The following DNAJC6 variants were observed in gnomAD, a reference collection of about 807,000 sequenced individuals.
DNAJC6 encodes the protein auxilin.
DNAJC6 carries 34 observed loss-of-function variants against 110.0 expected under a neutral mutation model. The observed-to-expected ratio is 0.31, with a 90% CI of 0.24 to 0.41. The LOEUF is 0.41. DNAJC6 is among the 10% of genes least tolerant of loss of function. The pLI is 1.00. For synonymous variants in DNAJC6, 406 were observed against 437.2 expected, an observed-to-expected ratio of 0.93 and a Z score of 0.89; for missense variants, 1,031 against 1,207.8, an observed-to-expected ratio of 0.85 and a Z score of 2.17.
chr1:65,303,461 T>C (rs1232406420), intron 1 of DNAJC6, among the ~76,000 whole-genome samples: 1 of 152,240 alleles, frequency 6.6e-6, no homozygotes, highest in Non-Finnish European at 1.5e-5. Context: ...ATTTTTCTTA[T>C]GTTGTGACTT....
chr1:65,265,913 T>C (rs904109512), intron 1 of DNAJC6, among the ~76,000 whole-genome samples: 5 of 152,146 alleles, frequency 3.3e-5, no homozygotes, highest in African/African-American at 1.2e-4. Context: ...ATTTTAGGGT[T>C]CGCCGGCCCC....
rs961299798 is a variant in DNAJC6 at position 65,413,814 on chromosome 1, C to A, written c.*789C>A. The A allele has an allele frequency of 4.6e-5, 7 of 152,222 alleles. No homozygotes were observed. The highest frequency in any genetic ancestry group is 4.1e-4 in the South Asian group (2 of 4,834). The allele number at this position is 152,222 out of a possible 1,614,324, so 9.4% of individuals were successfully genotyped here. Reference sequence around the variant, plus strand: ...AAAAAGTCTTACTACTATAACAACTCTAAACCTGGTTTAAATGAAACATCT... The same window carrying A: ...AAAAAGTCTTACTACTATAACAACTATAAACCTGGTTTAAATGAAACATCT... On this transcript the variant is annotated 3_prime_UTR_variant, in exon 19 of 19. Coordinates refer to ENST00000371069, the MANE Select transcript of DNAJC6 (RefSeq NM_001256864.2).
At chr1:65,280,212 G>A (rs1653802079) in intron 1 of DNAJC6, among the ~76,000 whole-genome samples, 1 of 152,172 alleles carries the variant, frequency 6.6e-6, no homozygotes, top group Non-Finnish European at 1.5e-5. Flanking sequence ...GAGAAAGCCT[G>A]TGAAAACATT....
intron 12 of DNAJC6, among the ~76,000 whole-genome samples, 155 bp from the exon 13 acceptor site, chr1:65,394,743 T>C (rs1320071992): frequency 6.6e-6 from 1 of 152,224 alleles, no homozygotes; most frequent in African/African-American, 2.4e-5. Flanking sequence ...GTATCGACTG[T>C]AGTTCATCCA....
chr1:65,355,571 C>A (rs553339917), intron 1 of DNAJC6, among the ~76,000 whole-genome samples: 25 of 152,268 alleles, frequency 1.6e-4, no homozygotes, highest in Non-Finnish European at 3.2e-4. Flanking sequence ...CCACGTGCCA[C>A]CTAGTACATA....
chr1:65,362,618 T>C (rs1245851679), intron 1 of DNAJC6, among the ~76,000 whole-genome samples: 5 of 152,210 alleles, frequency 3.3e-5, no homozygotes, highest in Admixed American at 3.3e-4. Flanking sequence ...GTAGGCACAA[T>C]TTTTATCCCT....
intron 8 of DNAJC6, among the ~76,000 whole-genome samples, chr1:65,388,063 G>A (rs771560134): frequency 6.6e-6 from 1 of 152,196 alleles, no homozygotes; most frequent in African/African-American, 2.4e-5. Flanking sequence ...GGCATCCTGG[G>A]TAGAAGGAAT....
intron 1 of DNAJC6, among the ~76,000 whole-genome samples, chr1:65,297,979 T>A (rs1483101664): frequency 6.6e-6 from 1 of 152,052 alleles, no homozygotes; most frequent in Non-Finnish European, 1.5e-5. Context: ...TGATTCCATC[T>A]GTGACCCAAT....
intron 1 of DNAJC6, among the ~76,000 whole-genome samples, chr1:65,281,469 G>A (rs1187570342): frequency 1.3e-5 from 2 of 152,192 alleles, no homozygotes; most frequent in South Asian, 2.1e-4. Flanking sequence ...ATTTGTCCCT[G>A]CGGATTTGCC....
At chr1:65,370,835 T>G (rs985730277) in intron 4 of DNAJC6, among the ~76,000 whole-genome samples, 8 of 152,216 alleles carry the variant, frequency 5.3e-5, no homozygotes, top group Non-Finnish European at 1.0e-4. Flanking sequence ...GTCAATGTTT[T>G]TACCCCTTTT....
At position 65,398,888 on chromosome 1, in the gene DNAJC6, G is replaced by A; in HGVS notation, c.2107+7G>A. The A allele has an allele frequency of 1.2e-6, 2 of 1,613,852 alleles. No individual in the cohort carries two copies. Among genetic ancestry groups the A allele is most frequent in the South Asian group, 2.2e-5 (2 of 91,068 alleles). ...GACTGGCATGCTAAACCAGGTAAAA[G>A]CAGGTTATTTTCTGTACACATTTAT... is the stretch of plus-strand genomic sequence containing the variant. On this transcript the variant is annotated splice_region_variant and intron_variant, in intron 14 of 18. Coordinates refer to ENST00000371069, the MANE Select transcript of DNAJC6 (RefSeq NM_001256864.2).
chr1:65,302,382 A>G (rs1281788092), intron 1 of DNAJC6, among the ~76,000 whole-genome samples: 1 of 148,446 alleles, frequency 6.7e-6, no homozygotes, highest in Non-Finnish European at 1.5e-5. Context: ...CCATTCTGAC[A>G]GTAATAGGTG....
At chr1:65,309,285 C>A (rs1340149592), upstream of DNAJC6, among the ~76,000 whole-genome samples, 4 of 150,874 alleles carry the variant, frequency 2.7e-5, no homozygotes, top group African/African-American at 7.3e-5. Flanking sequence ...CTTCAACCCC[C>A]CTCCTCACGA....
upstream of DNAJC6, chr1:65,306,499 G>A (rs1356980980): frequency 6.6e-6 from 1 of 152,276 alleles, no homozygotes; most frequent in Non-Finnish European, 1.5e-5. Context: ...TTTGGAATGA[G>A]GTGTGTATGA....
chr1:65,275,185 G>T (rs535114564), intron 1 of DNAJC6, among the ~76,000 whole-genome samples: 1 of 151,494 alleles, frequency 6.6e-6, no homozygotes, highest in Non-Finnish European at 1.5e-5. Flanking sequence ...CATTTCTTTC[G>T]GATTTTTTGT....
At chr1:65,398,980 G>A in intron 14 of DNAJC6, 99 bp downstream of exon 14, 4 of 1,187,522 alleles carry the variant, frequency 3.4e-6, no homozygotes, top group Non-Finnish European at 4.9e-6. Context: ...TGGCCTACCT[G>A]TGTAATTTGT....
In DNAJC6 at chr1:65,384,395, G is replaced by T. The variant is rs1645851159; in HGVS notation, c.800+69G>T. The T allele has an allele frequency of 3.1e-6, 4 of 1,311,064 alleles. No individual in the cohort carries two copies. In the South Asian group the frequency reaches 1.0e-4, roughly 33 times the overall value. The allele number at this position is 1,311,064 out of a possible 1,614,324, so 81.2% of individuals were successfully genotyped here. Reference sequence around the variant, plus strand: ...TGGTATCATGTACTGTTTTAAATCTGCCTTACAAATCCTTTCATAAGTTTC... The same window carrying T: ...TGGTATCATGTACTGTTTTAAATCTTCCTTACAAATCCTTTCATAAGTTTC... On this transcript the variant is annotated intron_variant, in intron 6 of 18. Transcript: ENST00000371069.
intron 1 of DNAJC6, among the ~76,000 whole-genome samples, chr1:65,324,240 G>T (rs779262635): frequency 1.3e-5 from 2 of 151,848 alleles, no homozygotes; most frequent in Non-Finnish European, 2.9e-5. Flanking sequence ...CAAATAGCAC[G>T]ATCTCAACTC....
intron 8 of DNAJC6, among the ~76,000 whole-genome samples, chr1:65,388,131 G>A (rs569774991): frequency 8.5e-5 from 13 of 152,326 alleles, no homozygotes; most frequent in African/African-American, 2.9e-4. Flanking sequence ...ATGAGAAAAT[G>A]GTTTGCCAAG....
Sources: allele counts gnomAD v4.1 joint callset (sites outside exome capture counted in the v4.1 genomes callset), GRCh38; gene constraint gnomAD v4.1.1; transcripts MANE v1.5; gene names NCBI Gene and HGNC (gene_info 2026-07-23, HGNC 2026-07-21).